Variants in KCNH8 observed in about 807,000 individuals in gnomAD.
KCNH8 encodes voltage-gated delayed rectifier potassium channel KCNH8.
KCNH8 carries 70 observed loss-of-function variants against 103.6 expected under a neutral mutation model. That is an observed-to-expected ratio of 0.68 (90% CI 0.56 to 0.82). KCNH8 has a LOEUF of 0.82. KCNH8 is among the 40% of genes least tolerant of loss of function. The pLI is 0.00. For missense variants in KCNH8, 1,217 were observed against 1,329.9 expected, an observed-to-expected ratio of 0.92 and a Z score of 1.32; for synonymous variants, 498 against 489.4, an observed-to-expected ratio of 1.02 and a Z score of -0.23.
intron 7 of KCNH8, among the ~76,000 whole-genome samples, chr3:19,427,290 T>C (rs2067042975): frequency 6.6e-6 from 1 of 152,240 alleles, no homozygotes; most frequent in Non-Finnish European, 1.5e-5. Context: ...TGTGCCATGC[T>C]GGAGGCTAAA....
chr3:19,461,099 A>G (rs2067619209), intron 11 of KCNH8, among the ~76,000 whole-genome samples: 1 of 152,162 alleles, frequency 6.6e-6, no homozygotes, highest in Non-Finnish European at 1.5e-5. Context: ...CCAGTTTGAT[A>G]ATTACTTTTG....
At chr3:19,407,136 CTTCTA>C (rs2066704281) in intron 7 of KCNH8, among the ~76,000 whole-genome samples, 1 of 152,074 alleles carries the variant, frequency 6.6e-6, no homozygotes, top group Non-Finnish European at 1.5e-5. Context: ...AGTCTATATG[CTTCTA>C]TTCTGAAGCC....
intron 1 of KCNH8, among the ~76,000 whole-genome samples, chr3:19,218,299 C>T (rs187016081): frequency 1.5e-4 from 23 of 152,166 alleles, no homozygotes; most frequent in Admixed American, 1.0e-3. Flanking sequence ...GTTGGATTTC[C>T]GTCTTAGTAC....
chr3:19,493,264 G>C (rs1237549148), intron 11 of KCNH8, among the ~76,000 whole-genome samples: 1 of 152,046 alleles, frequency 6.6e-6, no homozygotes, highest in South Asian at 2.1e-4. Context: ...ATGTTGAACA[G>C]GAACGGGGAG....
chr3:19,267,587 T>C (rs2064530363), intron 2 of KCNH8, among the ~76,000 whole-genome samples: 1 of 152,040 alleles, frequency 6.6e-6, no homozygotes, highest in African/African-American at 2.4e-5. Flanking sequence ...CGAGTTTGAG[T>C]CCTTGCACAG....
intron 3 of KCNH8, among the ~76,000 whole-genome samples, chr3:19,302,069 G>C (rs1228375683): frequency 6.6e-6 from 1 of 152,084 alleles, no homozygotes; most frequent in African/African-American, 2.4e-5. Context: ...GTTCCGTTAT[G>C]TAACTATGAT....
At chr3:19,501,782 AATAAG>A (rs2068588834) in intron 11 of KCNH8, among the ~76,000 whole-genome samples, 1 of 152,184 alleles carries the variant, frequency 6.6e-6, no homozygotes, top group Non-Finnish European at 1.5e-5. Flanking sequence ...ATCTCAAAAT[AATAAG>A]AGCTATCTAT....
At chr3:19,211,930 A>G (rs976137896) in intron 1 of KCNH8, among the ~76,000 whole-genome samples, 1 of 152,190 alleles carries the variant, frequency 6.6e-6, no homozygotes, top group African/African-American at 2.4e-5. Context: ...TATGTTAATC[A>G]CTGAATTTGG....
chr3:19,469,416 T>TTTTTTTGTTGTTGCTGTTGTTGTTTTTTG (rs2125200966), intron 11 of KCNH8, among the ~76,000 whole-genome samples: 2 of 152,140 alleles, frequency 1.3e-5, no homozygotes, highest in Admixed American at 1.3e-4. Flanking sequence ...TCCAGTATGT[T>TTTTTTTGTTGTTGCTGTTGTTGTTTTTTG]TTTTTTGTTG....
Position 19,181,916 on chromosome 3 carries a change from A to G in KCNH8, c.76+33121A>G, listed in dbSNP as rs138018897. Among the ~76,000 whole-genome samples, 1,478 of 152,282 alleles carry G rather than the reference A, an allele frequency of 9.7e-3. 13 individuals carry two copies. The highest frequency in any genetic ancestry group is 0.015 in the Non-Finnish European group (997 of 68,012). ...AATTAGGGGCCAATCCTTTTTTCAC[A>G]TACAAACACATATAATACTAACAAA... On this transcript the variant is annotated intron_variant, in intron 1 of 15. Coordinates refer to ENST00000328405, the MANE Select transcript of KCNH8 (RefSeq NM_144633.3).
At chr3:19,427,734 G>T (rs1003389537) in intron 7 of KCNH8, among the ~76,000 whole-genome samples, 2 of 152,172 alleles carry the variant, frequency 1.3e-5, no homozygotes, top group South Asian at 4.1e-4. Context: ...TGCCTTTGGA[G>T]TAATAGCTAG....
intron 10 of KCNH8, among the ~76,000 whole-genome samples, chr3:19,453,947 C>T (rs1278744442): frequency 6.6e-6 from 1 of 152,034 alleles, no homozygotes; most frequent in African/African-American, 2.4e-5. Flanking sequence ...TTCATGTTGA[C>T]TTGTCTACCA....
At chr3:19,510,241 C>T in intron 11 of KCNH8, 122 bp from the exon 12 acceptor site, 1 of 684,656 alleles carries the variant, frequency 1.5e-6, no homozygotes, top group Non-Finnish European at 2.7e-6. Flanking sequence ...CACACCCCTT[C>T]CTGTGCTCCT....
intron 7 of KCNH8, among the ~76,000 whole-genome samples, chr3:19,401,857 C>T (rs910715537): frequency 1.3e-5 from 2 of 151,736 alleles, no homozygotes; most frequent in African/African-American, 2.4e-5. Context: ...ATTCTCAGTC[C>T]TTTGAAAGGG....
chr3:19,231,757 A>C (rs1054820815), intron 1 of KCNH8, among the ~76,000 whole-genome samples: 2 of 152,192 alleles, frequency 1.3e-5, no homozygotes, highest in African/African-American at 4.8e-5. Flanking sequence ...AATTTGGGAA[A>C]TCGAGCCTTG....
chr3:19,231,004 A>T (rs1559433267), intron 1 of KCNH8, among the ~76,000 whole-genome samples: 1 of 152,178 alleles, frequency 6.6e-6, no homozygotes, highest in Non-Finnish European at 1.5e-5. Context: ...TGAACAAATA[A>T]GTATAAGAAA....
chr3:19,524,199 C>T lies in KCNH8; in HGVS notation c.2619+6125C>T, dbSNP rs141083553. On this transcript the variant is annotated intron_variant, in intron 15 of 15. Transcript: ENST00000328405. ...TGACAATTGAGTCAACTGAAACACACTGACAGAATTGTCAGGTCATTCCAA... is the reference window on the plus strand; with the variant it reads ...TGACAATTGAGTCAACTGAAACACATTGACAGAATTGTCAGGTCATTCCAA... 4.7e-3 allele frequency among the ~76,000 whole-genome samples: 712 copies of T among 152,000 alleles called. 8 individuals carry two copies. The highest frequency in any genetic ancestry group is 0.016 in the African/African-American group (669 of 41,522).
intron 5 of KCNH8, among the ~76,000 whole-genome samples, chr3:19,366,293 G>A (rs1373614510): frequency 6.6e-6 from 1 of 151,958 alleles, no homozygotes. Flanking sequence ...GGAAAATGAA[G>A]TTGTATTTGT....
chr3:19,508,328 G>A lies in KCNH8; in HGVS notation c.2041-2035G>A, dbSNP rs566539134. 5.3e-5 allele frequency among the ~76,000 whole-genome samples: 8 copies of A among 152,170 alleles called. No homozygotes were observed. In the East Asian group the frequency reaches 1.5e-3, roughly 29 times the overall value. On this transcript the variant is annotated intron_variant, in intron 11 of 15. Coordinates refer to ENST00000328405, the MANE Select transcript of KCNH8 (RefSeq NM_144633.3). ...AGGTAATCAAAGGTATCAAAAAGTA[G>A]GAGGAAGAAAAATATATTGCATGCC...
Sources: allele counts gnomAD v4.1 joint callset (sites outside exome capture counted in the v4.1 genomes callset), GRCh38; gene constraint gnomAD v4.1.1; transcripts MANE v1.5; gene names NCBI Gene and HGNC (gene_info 2026-07-23, HGNC 2026-07-21).